Variants in RIMS1 observed in about 807,000 individuals in gnomAD.
The protein encoded by RIMS1 is regulating synaptic membrane exocytosis 1, also known as regulating synaptic membrane exocytosis protein 1.
A neutral mutation model predicts 214.1 loss-of-function variants in RIMS1; 83 were observed. That is an observed-to-expected ratio of 0.39 (90% confidence interval 0.32 to 0.47). The LOEUF is 0.47. Among genes scored for constraint, RIMS1 ranks in the 20% least tolerant of loss-of-function variants. The probability of loss-of-function intolerance (pLI) is 0.99; values close to 1 mark genes in which losing one functional copy is unlikely to be tolerated. For synonymous variants in RIMS1, 793 were observed against 786.8 expected, an observed-to-expected ratio of 1.01 and a Z score of -0.13; for missense variants, 2,050 against 2,161.8, an observed-to-expected ratio of 0.95 and a Z score of 1.03.
At chr6:72,038,575 G>A (rs1820577774) in intron 2 of RIMS1, among the ~76,000 whole-genome samples, 1 of 152,054 alleles carries the variant, frequency 6.6e-6, no homozygotes, top group Non-Finnish European at 1.5e-5. Context: ...GAAATAGGGA[G>A]TTTTAAAACA....
chr6:72,144,652 A>C (rs1377071137), intron 4 of RIMS1, among the ~76,000 whole-genome samples: 1 of 151,632 alleles, frequency 6.6e-6, no homozygotes, highest in Non-Finnish European at 1.5e-5. Context: ...GGTTAAAGAC[A>C]CTCCATTTAC....
At chr6:71,958,241 T>C (rs1791871234) in intron 1 of RIMS1, among the ~76,000 whole-genome samples, 1 of 152,154 alleles carries the variant, frequency 6.6e-6, no homozygotes, top group African/African-American at 2.4e-5. Flanking sequence ...TGTTCATTGA[T>C]TACATCCAAT....
At chr6:72,045,644 A>G (rs1822770105) in intron 2 of RIMS1, among the ~76,000 whole-genome samples, 1 of 151,984 alleles carries the variant, frequency 6.6e-6, no homozygotes, top group Non-Finnish European at 1.5e-5. Context: ...GACAGTGACT[A>G]TTGCCACAGA....
intron 1 of RIMS1, among the ~76,000 whole-genome samples, chr6:71,939,069 CT>C (rs1785285108): frequency 6.6e-6 from 1 of 152,166 alleles, no homozygotes; most frequent in African/African-American, 2.4e-5. Context: ...ATCAGATATC[CT>C]AATTTATCTC....
chr6:72,154,109 G>A (rs1056093844), intron 4 of RIMS1, among the ~76,000 whole-genome samples: 5 of 151,938 alleles, frequency 3.3e-5, no homozygotes, highest in Non-Finnish European at 7.4e-5. Context: ...ACACACGCAC[G>A]CACTCACACA....
At chr6:72,374,461 T>C (rs769430610) in intron 29 of RIMS1, among the ~76,000 whole-genome samples, 2 of 152,342 alleles carry the variant, frequency 1.3e-5, no homozygotes, top group East Asian at 3.9e-4. Flanking sequence ...TGATTCTTCA[T>C]TGGTGTCACA....
At chr6:72,231,085 T>TG (rs1307122150) in intron 6 of RIMS1, among the ~76,000 whole-genome samples, 7 of 151,560 alleles carry the variant, frequency 4.6e-5, no homozygotes, top group Non-Finnish European at 1.0e-4. Context: ...TCAAGGAAAA[T>TG]GTTTTGTGTT....
At chr6:72,049,963 AAAATT>A (rs1363464239) in intron 2 of RIMS1, among the ~76,000 whole-genome samples, 4 of 152,212 alleles carry the variant, frequency 2.6e-5, no homozygotes, top group African/African-American at 9.7e-5. Flanking sequence ...CATGGTCAGA[AAAATT>A]AAAGAGAATA....
intron 6 of RIMS1, chr6:72,213,300 T>A: frequency 1.6e-6 from 2 of 1,253,018 alleles, no homozygotes; most frequent in Non-Finnish European, 2.2e-6. Context: ...TCCCTCTGTA[T>A]CTATTTTCCA....
At chr6:71,950,724 T>A (rs1789205953) in intron 1 of RIMS1, among the ~76,000 whole-genome samples, 1 of 152,216 alleles carries the variant, frequency 6.6e-6, no homozygotes, top group Non-Finnish European at 1.5e-5. Context: ...ATAGCTTGTT[T>A]CCCTCCAGAA....
At chr6:72,000,098 GA>G (rs369828281) in intron 2 of RIMS1, among the ~76,000 whole-genome samples, 90 of 151,316 alleles carry the variant, frequency 5.9e-4, no homozygotes, top group East Asian at 9.7e-4. Flanking sequence ...TCAAATGAGG[GA>G]AAAAAAACAG....
chr6:72,260,919 G>A, intron 19 of RIMS1, 152 bp downstream of exon 19: 1 of 1,489,358 alleles, frequency 6.7e-7, no homozygotes. Context: ...TTGAGGTTAT[G>A]GAAAAGGTTC....
At chr6:72,122,207 CTTTT>C (rs34948011) in intron 4 of RIMS1, among the ~76,000 whole-genome samples, 1 of 136,330 alleles carries the variant, frequency 7.3e-6, no homozygotes, top group Non-Finnish European at 1.6e-5. Flanking sequence ...TTCCTTTTTT[CTTTT>C]TTTTTTTTTT....
chr6:72,114,379 T>G (rs1258886038), intron 4 of RIMS1, among the ~76,000 whole-genome samples: 3 of 152,140 alleles, frequency 2.0e-5, no homozygotes, highest in Admixed American at 6.6e-5. Flanking sequence ...TTAGTGATTT[T>G]CTATACATCA....
At chr6:72,093,803 T>C (rs193068108) in intron 2 of RIMS1, among the ~76,000 whole-genome samples, 1 of 152,326 alleles carries the variant, frequency 6.6e-6, no homozygotes, top group Non-Finnish European at 1.5e-5. Context: ...TTGGATATCA[T>C]ACACTCTATT....
chr6:72,191,813 G>T (rs542628283), intron 6 of RIMS1, among the ~76,000 whole-genome samples: 7 of 152,150 alleles, frequency 4.6e-5, no homozygotes, highest in Admixed American at 1.3e-4. Flanking sequence ...ATTCACTGTC[G>T]TTCTCCAAGA....
intron 2 of RIMS1, among the ~76,000 whole-genome samples, chr6:72,040,232 C>T (rs1821056302): frequency 6.6e-6 from 1 of 152,012 alleles, no homozygotes; most frequent in South Asian, 2.1e-4. Context: ...GTCCCATTTT[C>T]CCTTATGCAT....
intron 2 of RIMS1, among the ~76,000 whole-genome samples, chr6:71,985,890 T>C (rs1799801394): frequency 6.6e-6 from 1 of 152,206 alleles, no homozygotes; most frequent in Admixed American, 6.5e-5. Context: ...TAGTGTCATT[T>C]CTTTCCAAAA....
intron 2 of RIMS1, among the ~76,000 whole-genome samples, chr6:71,999,079 A>G (rs1804336795): frequency 6.6e-6 from 1 of 152,064 alleles, no homozygotes; most frequent in East Asian, 1.9e-4. Context: ...TCCCTTTTAC[A>G]ATATTTTTCT....
Sources: gnomAD v4.1 joint callset for allele counts (sites outside exome capture counted in the v4.1 genomes callset) on GRCh38, gnomAD v4.1.1 for gene constraint, MANE v1.5 for transcripts, NCBI Gene and HGNC (gene_info 2026-07-23, HGNC 2026-07-21) for gene names.